LINGO1: variants seen among roughly 807,000 people sequenced by gnomAD.
LINGO1 encodes the protein leucine rich repeat and Ig domain containing 1.
In LINGO1, 11 loss-of-function variants were observed where a neutral mutation model predicts 37.3. The ratio of observed to expected loss-of-function variants is 0.29; its 90% confidence interval spans 0.19 to 0.49. The LOEUF is 0.49. Ranked by LOEUF, LINGO1 falls within the 20% of genes least tolerant of loss-of-function variation. The probability of loss-of-function intolerance (pLI) is 0.99; values close to 1 mark genes in which losing one functional copy is unlikely to be tolerated. For synonymous variants in LINGO1, 387 were observed against 403.0 expected (o/e 0.96, Z 0.48); for missense variants, 585 against 878.2 (o/e 0.67, Z 4.22).
At chr15:77,616,778 T>G (rs2073739197) in intron 1 of LINGO1, among the ~76,000 whole-genome samples, 1 of 152,198 alleles carries the variant, frequency 6.6e-6, no homozygotes, top group East Asian at 1.9e-4. Flanking sequence ...CTCCTGCAGT[T>G]CTTTCCTCTG....
chr15:77,679,790 C>T (rs2075384341), intron 2 of LINGO1, among the ~76,000 whole-genome samples: 1 of 152,182 alleles, frequency 6.6e-6, no homozygotes, highest in African/African-American at 2.4e-5. Flanking sequence ...CCACTAGAAT[C>T]CATCCTCTTC....
At chr15:77,766,596 G>A (rs969739838) in intron 1 of LINGO1, among the ~76,000 whole-genome samples, 37 of 152,266 alleles carry the variant, frequency 2.4e-4, no homozygotes, top group Admixed American at 1.4e-3. Context: ...CTTCATTCTC[G>A]TGAAGTGAGT....
At chr15:77,704,551 C>T (rs2075825404) in intron 2 of LINGO1, among the ~76,000 whole-genome samples, 2 of 150,534 alleles carry the variant, frequency 1.3e-5, no homozygotes, top group Non-Finnish European at 2.9e-5. Flanking sequence ...ACACACTGAG[C>T]CCCAACCCTG....
At chr15:77,763,032 C>T in intron 1 of LINGO1, among the ~76,000 whole-genome samples, 1 of 152,156 alleles carries the variant, frequency 6.6e-6, no homozygotes, top group East Asian at 1.9e-4. Context: ...AGAGAACTGC[C>T]GAGAAAGGGA....
At chr15:77,625,973 C>T (rs1436450285) in intron 1 of LINGO1, among the ~76,000 whole-genome samples, 1 of 152,180 alleles carries the variant, frequency 6.6e-6, no homozygotes, top group East Asian at 1.9e-4. Context: ...ACCCCACCAA[C>T]CCTCACCACG....
chr15:77,684,473 C>T (rs2075469699), intron 2 of LINGO1, among the ~76,000 whole-genome samples: 1 of 152,216 alleles, frequency 6.6e-6, no homozygotes, highest in African/African-American at 2.4e-5. Context: ...GGTCCCTGTA[C>T]CTGCCAGGCT....
At chr15:77,676,424 C>A (rs534894051) in intron 3 of LINGO1, among the ~76,000 whole-genome samples, 4 of 152,362 alleles carry the variant, frequency 2.6e-5, no homozygotes, top group Non-Finnish European at 5.9e-5. Context: ...TTTAACTGGA[C>A]AGCAGTATTT....
intron 1 of LINGO1, among the ~76,000 whole-genome samples, chr15:77,796,654 G>A (rs563049495): frequency 2.0e-5 from 3 of 151,376 alleles, no homozygotes; most frequent in Non-Finnish European, 2.9e-5. Context: ...CCTTGGGCCT[G>A]AGCCTCAACT....
intron 2 of LINGO1, among the ~76,000 whole-genome samples, chr15:77,794,588 A>ATT (rs1260457159): frequency 2.0e-4 from 8 of 39,444 alleles, no homozygotes; most frequent in African/African-American, 6.5e-4. Flanking sequence ...ATATATATAT[A>ATT]TATTTTTTTT....
At chr15:77,690,485 C>G (rs1421347709) in intron 2 of LINGO1, among the ~76,000 whole-genome samples, 1 of 152,224 alleles carries the variant, frequency 6.6e-6, no homozygotes, top group Non-Finnish European at 1.5e-5. Context: ...CCGTTTGACT[C>G]ACTGGATCAA....
chr15:77,620,874 G>A lies in LINGO1; in HGVS notation c.7-4974C>T, dbSNP rs149118661. Among the ~76,000 whole-genome samples the A allele has an allele frequency of 6.4e-3, 974 of 152,270 alleles. 14 individuals carry two copies. The highest frequency in any genetic ancestry group is 0.022 in the African/African-American group (919 of 41,528). ...AGGGGCCTGGGATCACCCATGGACA[G>A]GTTCAGAGAACACTGAGAGGGCTCA... On this transcript the variant is annotated intron_variant, in intron 1 of 1. Transcript: ENST00000355300.
At chr15:77,683,202 A>G (rs1378425842) in intron 2 of LINGO1, among the ~76,000 whole-genome samples, 1 of 152,190 alleles carries the variant, frequency 6.6e-6, no homozygotes, top group Non-Finnish European at 1.5e-5. Flanking sequence ...AGATCGGCAA[A>G]TATCCGGAAG....
At chr15:77,640,270 GC>G (rs2141105669) in intron 3 of LINGO1, among the ~76,000 whole-genome samples, 1 of 152,338 alleles carries the variant, frequency 6.6e-6, no homozygotes, top group South Asian at 2.1e-4. Flanking sequence ...TGTGAGCCAA[GC>G]CTGGTCCCAG....
At chr15:77,785,337 G>A (rs1053870048) in intron 1 of LINGO1, among the ~76,000 whole-genome samples, 1 of 152,170 alleles carries the variant, frequency 6.6e-6, no homozygotes, top group Non-Finnish European at 1.5e-5. Context: ...CCACAGGTGG[G>A]GTCCTGCCAG....
chr15:77,728,480 C>T (rs576737556), intron 2 of LINGO1, among the ~76,000 whole-genome samples: 54 of 152,358 alleles, frequency 3.5e-4, no homozygotes, highest in African/African-American at 1.3e-3. Flanking sequence ...CTGTGGCCCT[C>T]ACAGCCTCAC....
At chr15:77,724,281 G>C (rs551363372) in intron 2 of LINGO1, among the ~76,000 whole-genome samples, 4 of 152,312 alleles carry the variant, frequency 2.6e-5, no homozygotes, top group South Asian at 2.1e-4. Flanking sequence ...TCAGCATCAG[G>C]GGCTTTTGAG....
Position 77,632,155 on chromosome 15 carries a change from T to G in LINGO1, c.6+155A>C, listed in dbSNP as rs1034290919. ...AGGAAGAATTTTCATTTCTGAGGCT[T>G]GAGGGGAAATCAGGCCTATGACCCC... On this transcript the variant is annotated intron_variant, in intron 1 of 1. Coordinates refer to ENST00000355300, the MANE Select transcript of LINGO1 (RefSeq NM_032808.7). This position sits in a 1 kb window ranked among gnomAD's most constrained non-coding sequence, Gnocchi z 6.0. 6.6e-6 allele frequency among the ~76,000 whole-genome samples: 1 copy of G among 151,980 alleles called. No individual in the cohort carries two copies. Among genetic ancestry groups the G allele is most frequent in the African/African-American group, 2.4e-5 (1 of 41,422 alleles).
At chr15:77,732,959 G>C (rs1472111055) in intron 2 of LINGO1, among the ~76,000 whole-genome samples, 1 of 152,198 alleles carries the variant, frequency 6.6e-6, no homozygotes, top group African/African-American at 2.4e-5. Context: ...ACCGGCCACG[G>C]CCGGCCTCCT....
intron 1 of LINGO1, among the ~76,000 whole-genome samples, chr15:77,782,713 C>T (rs2076732538): frequency 6.6e-6 from 1 of 151,910 alleles, no homozygotes; most frequent in African/African-American, 2.4e-5. Context: ...CAGCCACCCA[C>T]TCTTCGCCAT....
Sources: gnomAD v4.1 joint callset for allele counts (sites outside exome capture counted in the v4.1 genomes callset) on GRCh38, gnomAD v4.1.1 for gene constraint, Gnocchi (gnomAD v3.1) non-coding constraint, MANE v1.5 for transcripts, NCBI Gene and HGNC (gene_info 2026-07-23, HGNC 2026-07-21) for gene names.